The following IL34 variants were observed in gnomAD, a reference collection of about 807,000 sequenced individuals.
The protein encoded by IL34 is interleukin-34.
IL34 carries 17 observed loss-of-function variants against 25.3 expected under a neutral mutation model. The observed-to-expected ratio is 0.67, with a 90% confidence interval of 0.46 to 1.01. The LOEUF (loss-of-function observed/expected upper bound fraction) is 1.01. Among genes scored for constraint, IL34 ranks in the 50% least tolerant of loss-of-function variants. The pLI is 0.00. For synonymous variants in IL34, 174 were observed against 140.9 expected, an observed-to-expected ratio of 1.23 and a Z score of -1.66; for missense variants, 368 against 312.9, an observed-to-expected ratio of 1.18 and a Z score of -1.33.
At chr16:70,599,265 G>GTCTTTCTTTCTTTCTTTCTTTC (rs200642053) in intron 1 of IL34, among the ~76,000 whole-genome samples, 6 of 139,076 alleles carry the variant, frequency 4.3e-5, no homozygotes, top group African/African-American at 1.4e-4. Context: ...GTCAAGAACT[G>GTCTTTCTTTCTTTCTTTCTTTC]TTTCTTTCTT....
chr16:70,615,260 G>A (rs2051156122), intron 1 of IL34, among the ~76,000 whole-genome samples: 1 of 152,172 alleles, frequency 6.6e-6, no homozygotes, highest in African/African-American at 2.4e-5. Flanking sequence ...TGTAATCCCA[G>A]CACTTTGGGA....
chr16:70,653,250 T>A (rs925976919), intron 1 of IL34, among the ~76,000 whole-genome samples: 1 of 151,082 alleles, frequency 6.6e-6, no homozygotes, highest in African/African-American at 2.4e-5. Flanking sequence ...TAGTGGCACA[T>A]GCCTCTCATC....
intron 1 of IL34, among the ~76,000 whole-genome samples, chr16:70,580,439 T>A (rs1203997181): frequency 2.0e-5 from 3 of 152,240 alleles, no homozygotes; most frequent in African/African-American, 7.2e-5. Flanking sequence ...TGGACCTTAA[T>A]GTACTGTGTG....
At chr16:70,586,486 G>T (rs1175282511) in intron 1 of IL34, among the ~76,000 whole-genome samples, 2 of 152,134 alleles carry the variant, frequency 1.3e-5, no homozygotes, top group Non-Finnish European at 1.5e-5. Context: ...AGCCCTGGAG[G>T]TTGAGGCTGC....
intron 1 of IL34, among the ~76,000 whole-genome samples, chr16:70,587,740 AAAG>A (rs1268294312): frequency 1.3e-5 from 2 of 152,028 alleles, no homozygotes; most frequent in African/African-American, 2.4e-5. Flanking sequence ...TCAAAAAAAA[AAAG>A]AAAGAAAGAA....
chr16:70,654,688 C>T lies in IL34; in HGVS notation c.162+17C>T, dbSNP rs370493911. ...CAGTACATGGTAACCACGTGGGCAC[C>T]AGCTGTGTCCCTGTCCCCGCGTCCC... On this transcript the variant is annotated intron_variant, in intron 2 of 5. Coordinates refer to ENST00000288098, the MANE Select transcript of IL34 (RefSeq NM_001393494.1). 12 of 1,589,908 alleles carry T rather than the reference C, an allele frequency of 7.5e-6. No homozygotes were observed. The highest frequency in any genetic ancestry group is 2.3e-5 in the East Asian group (1 of 44,288).
chr16:70,651,762 T>TAA (rs10713010), intron 1 of IL34, among the ~76,000 whole-genome samples: 22 of 143,498 alleles, frequency 1.5e-4, no homozygotes, highest in African/African-American at 2.3e-4. Flanking sequence ...ACTGCTTTTG[T>TAA]AAAAAAAAAA....
intron 1 of IL34, among the ~76,000 whole-genome samples, chr16:70,594,419 G>A (rs1329806229): frequency 2.6e-5 from 4 of 152,144 alleles, no homozygotes; most frequent in Non-Finnish European, 5.9e-5. Flanking sequence ...GGTAATATGT[G>A]CATACAGTAA....
At chr16:70,644,561 GA>G (rs2051861004), upstream of IL34, among the ~76,000 whole-genome samples, 1 of 151,984 alleles carries the variant, frequency 6.6e-6, no homozygotes, top group African/African-American at 2.4e-5. Context: ...AATGTATACT[GA>G]AAAGGGTAAA....
intron 1 of IL34, among the ~76,000 whole-genome samples, chr16:70,602,583 A>ATGTGTGTGTGTGTGTGTGTG (rs3058045): frequency 3.7e-5 from 5 of 134,960 alleles, no homozygotes; most frequent in African/African-American, 1.1e-4. Context: ...TTTGGAATTG[A>ATGTGTGTGTGTGTGTGTGTG]TGTGTGTGTG....
intron 4 of IL34, chr16:70,657,411 C>T: frequency 2.9e-6 from 1 of 349,366 alleles, no homozygotes; most frequent in Non-Finnish European, 5.2e-6. Context: ...TCATCGTACC[C>T]TCTTTGTTTC....
At chr16:70,637,144 G>C (rs2051673650) in intron 1 of IL34, among the ~76,000 whole-genome samples, 1 of 151,882 alleles carries the variant, frequency 6.6e-6, no homozygotes, top group Non-Finnish European at 1.5e-5. Flanking sequence ...ACAGGTGTGA[G>C]CTGCCGTGCC....
chr16:70,652,230 A>C (rs1397338874), intron 1 of IL34, among the ~76,000 whole-genome samples: 3 of 152,088 alleles, frequency 2.0e-5, no homozygotes, highest in Non-Finnish European at 2.9e-5. Flanking sequence ...CCAAGGTGGG[A>C]GCATCACTTG....
chr16:70,620,057 CTAT>C (rs1307788062), intron 1 of IL34, among the ~76,000 whole-genome samples: 1 of 151,968 alleles, frequency 6.6e-6, no homozygotes, highest in Non-Finnish European at 1.5e-5. Flanking sequence ...CAACTTTTTT[CTAT>C]TATTGTACAC....
intron 1 of IL34, among the ~76,000 whole-genome samples, chr16:70,653,182 T>C (rs1449724652): frequency 6.6e-6 from 1 of 151,838 alleles, no homozygotes; most frequent in Non-Finnish European, 1.5e-5. Flanking sequence ...CACTGTACTC[T>C]AGCCTGGGTG....
In IL34 at chr16:70,656,605, C is replaced by T. The variant is rs771235404; in HGVS notation, c.166C>T (p.His56Tyr). ...QYRSRLQYMK[H>Y]YFPINYKISV... Reference sequence around the variant, plus strand: ...GTTTGTTCTTGTGCCTCTCCAGAAACACTACTTCCCCATCAACTACAAGAT... The same window carrying T: ...GTTTGTTCTTGTGCCTCTCCAGAAATACTACTTCCCCATCAACTACAAGAT... Residue 56 changes from histidine (H) to tyrosine (Y), a missense_variant, in exon 3 of 6, where the codon CAC becomes TAC. Physicochemically the swap from His to Tyr is moderately conservative, Grantham distance 83. Coordinates refer to ENST00000288098, the MANE Select transcript of IL34 (RefSeq NM_001393494.1). 3 of 1,313,704 alleles carry T rather than the reference C, an allele frequency of 2.3e-6. No homozygotes were observed. Among genetic ancestry groups the T allele is most frequent in the Admixed American group, 3.4e-5 (2 of 59,688 alleles). 81.4% of individuals were successfully genotyped at this position (1,313,704 alleles called of 1,614,324 possible).
In IL34 at chr16:70,659,366, C is replaced by T. The variant is rs540513552; in HGVS notation, c.403-252C>T. ...CCACTTTCCTCACTGTCCTGGTCTA[C>T]GCCCTTTACTCATTTTTCAAGGATG... On this transcript the variant is annotated intron_variant, in intron 4 of 5. Transcript: ENST00000288098. Among the ~76,000 whole-genome samples, 26 of 152,346 alleles carry T rather than the reference C, an allele frequency of 1.7e-4. 2 individuals carry two copies. The South Asian group carries it at 3.9e-3, about 23-fold the overall frequency.
At chr16:70,604,747 G>C (rs950730226) in intron 1 of IL34, among the ~76,000 whole-genome samples, 4 of 152,190 alleles carry the variant, frequency 2.6e-5, no homozygotes, top group African/African-American at 9.6e-5. Flanking sequence ...CCCGGCCTGG[G>C]GCCCAGGCAC....
intron 1 of IL34, among the ~76,000 whole-genome samples, chr16:70,635,818 A>G (rs2051629352): frequency 6.6e-6 from 1 of 152,180 alleles, no homozygotes; most frequent in Admixed American, 6.5e-5. Context: ...AATAGCAAAT[A>G]CCAAGATAGC....
Sources: allele counts gnomAD v4.1 joint callset (sites outside exome capture counted in the v4.1 genomes callset), GRCh38; gene constraint gnomAD v4.1.1; transcripts MANE v1.5; gene names NCBI Gene and HGNC (gene_info 2026-07-23, HGNC 2026-07-21).